GIT2: variants seen among roughly 807,000 people sequenced by gnomAD.
GIT2 encodes the protein GIT ArfGAP 2, also known as ARF GTPase-activating protein GIT2.
In GIT2, 32 loss-of-function variants were observed where a neutral mutation model predicts 100.3. That is an observed-to-expected ratio of 0.32 (90% CI 0.24 to 0.43). GIT2 has a LOEUF of 0.43. GIT2 is among the 20% of genes least tolerant of loss of function. The probability of loss-of-function intolerance (pLI) is 1.00; values close to 1 mark genes in which losing one functional copy is unlikely to be tolerated. For synonymous variants in GIT2, 353 were observed against 364.1 expected, an observed-to-expected ratio of 0.97 and a Z score of 0.35; for missense variants, 737 against 975.1, an observed-to-expected ratio of 0.76 and a Z score of 3.25.
chr12:109,948,506 T>C lies in GIT2; in HGVS notation c.1393-1002A>G. 1.6e-6 allele frequency: 2 copies of C among 1,227,814 alleles called. No individual in the cohort carries two copies. The highest frequency in any genetic ancestry group is 1.6e-5 in the African/African-American group (1 of 64,282). The allele number at this position is 1,227,814 out of a possible 1,614,324, so 76.1% of individuals were successfully genotyped here. ...GTCAGCAGGGAATCGTGTTACTCTTTGGCATCTGGCATTTTAAACACCATT... is the reference window on the plus strand; with the variant it reads ...GTCAGCAGGGAATCGTGTTACTCTTCGGCATCTGGCATTTTAAACACCATT... On this transcript the variant is annotated intron_variant, in intron 14 of 19. Coordinates refer to ENST00000355312, the MANE Select transcript of GIT2 (RefSeq NM_057169.5). This position sits in a 1 kb window ranked among gnomAD's most constrained non-coding sequence, Gnocchi z 4.3.
At chr12:109,965,086 G>A (rs928665840) in intron 9 of GIT2, among the ~76,000 whole-genome samples, 2 of 152,098 alleles carry the variant, frequency 1.3e-5, no homozygotes. Flanking sequence ...TGGGAAAGAG[G>A]TTTACAATAT....
rs1420562952 is a variant in GIT2 at position 109,931,618 on chromosome 12, C to T, written c.*1360G>A. 6.6e-6 allele frequency: 1 copy of T among 152,162 alleles called. No individual in the cohort carries two copies. The highest frequency in any genetic ancestry group is 1.5e-5 in the Non-Finnish European group (1 of 68,040). The allele number at this position is 152,162 out of a possible 1,614,324, so 9.4% of individuals were successfully genotyped here. A position where few individuals can be genotyped will look rare whatever the true frequency, so the allele number is the denominator to read the frequency against. ...GCCCCTACTGTGTAGGCGGTGGGCT[C>T]CCCATAGTCTCCTCTGCCCTGCTGC... On this transcript the variant is annotated 3_prime_UTR_variant, in exon 20 of 20. Transcript: ENST00000355312.
intron 1 of GIT2, 130 bp from the exon 2 acceptor site, chr12:109,991,890 A>T: frequency 1.4e-6 from 1 of 715,258 alleles, no homozygotes. Flanking sequence ...TCATCAATGC[A>T]TCAGGCTGGT....
chr12:109,961,547 G>T, intron 10 of GIT2, 66 bp downstream of exon 10: 1 of 1,100,872 alleles, frequency 9.1e-7, no homozygotes. Context: ...GTAAAACACT[G>T]AGCCTGGCAG....
chr12:109,998,736 C>G (rs1029532793), upstream of GIT2: 5 of 152,092 alleles, frequency 3.3e-5, no homozygotes, highest in Non-Finnish European at 7.4e-5. Context: ...GTTCGGAGTT[C>G]AAATAGAAGC....
At chr12:109,952,737 T>C (rs1455732469) in intron 13 of GIT2, 2 of 468,522 alleles carry the variant, frequency 4.3e-6, no homozygotes, top group Non-Finnish European at 8.3e-6. Flanking sequence ...GTGTGCTTCG[T>C]ATGACACACA....
chr12:109,983,832 C>A (rs1056825405), intron 4 of GIT2, 138 bp from the exon 5 acceptor site: 6 of 608,998 alleles, frequency 9.9e-6, no homozygotes, highest in African/African-American at 7.4e-5. Context: ...GTGCATGGAC[C>A]AGTCTCTCCT....
intron 6 of GIT2, chr12:109,981,375 A>C (rs1185469332): frequency 4.4e-6 from 1 of 228,532 alleles, no homozygotes; most frequent in Non-Finnish European, 8.8e-6. Flanking sequence ...TTACGGTAGA[A>C]GTTCTCAAAA....
rs759849851 is a variant in GIT2 at position 109,932,953 on chromosome 12, CAG to C, written c.*23_*24del. 2.1e-5 allele frequency: 28 copies of C among 1,338,980 alleles called. 1 individual carries two copies. In the South Asian group the frequency reaches 2.3e-4, roughly 11 times the overall value. The allele number at this position is 1,338,980 out of a possible 1,614,324, so 82.9% of individuals were successfully genotyped here. A position where few individuals can be genotyped will look rare whatever the true frequency, so the allele number is the denominator to read the frequency against. On this transcript the variant is annotated 3_prime_UTR_variant, in exon 20 of 20. Transcript: ENST00000355312. ...ATTGGACTTTATAAAGCCTAGAAAA[CAG>C]AGGAGGCGGTGCCCTGCCCTTGTCA...
At chr12:109,938,975 G>C (rs1413336114) in intron 17 of GIT2, 190 bp downstream of exon 17, 9 of 570,052 alleles carry the variant, frequency 1.6e-5, no homozygotes, top group Admixed American at 3.1e-5. Flanking sequence ...CAAAGAAAAA[G>C]GCCTTTCGGC....
Position 109,989,102 on chromosome 12 carries a change from C to A in GIT2, c.300-34G>T, listed in dbSNP as rs373410574. 6.7e-5 allele frequency: 81 copies of A among 1,217,058 alleles called. No homozygotes were observed. In the African/African-American group the frequency reaches 8.6e-4, roughly 13 times the overall value. The allele number at this position is 1,217,058 out of a possible 1,614,324, so 75.4% of individuals were successfully genotyped here. A position where few individuals can be genotyped will look rare whatever the true frequency, so the allele number is the denominator to read the frequency against. ...AAAACAAAAAAGAAAACAGTTCACT[C>A]GTTCAGATACAACAATCCCCATTCT... On this transcript the variant is annotated intron_variant, in intron 3 of 19. Transcript: ENST00000355312.
At position 109,934,899 on chromosome 12, in the gene GIT2, A is replaced by T. The variant is rs1256771917; in HGVS notation, c.2004-814T>A. On this transcript the variant is annotated intron_variant, in intron 18 of 19. Coordinates refer to ENST00000355312, the MANE Select transcript of GIT2 (RefSeq NM_057169.5). The surrounding 1 kb of genome is among the most constrained non-coding windows in gnomAD (Gnocchi z 4.5). Reference sequence around the variant, plus strand: ...GAGACCAGCCTGAACGACATGGTGAAATCCCGTCTCTACTAAAAATACAAA... The same window carrying T: ...GAGACCAGCCTGAACGACATGGTGATATCCCGTCTCTACTAAAAATACAAA... Among the ~76,000 whole-genome samples the T allele has an allele frequency of 6.6e-6, 1 of 152,162 alleles. No individual in the cohort carries two copies. Among genetic ancestry groups the T allele is most frequent in the Non-Finnish European group, 1.5e-5 (1 of 68,030 alleles).
At chr12:109,949,866 C>A (rs766288905) in intron 14 of GIT2, among the ~76,000 whole-genome samples, 11 of 152,124 alleles carry the variant, frequency 7.2e-5, no homozygotes, top group Non-Finnish European at 1.0e-4. Flanking sequence ...ATTAATGGAA[C>A]AAACTATAAT....
At chr12:109,994,075 CAAAA>C (rs34393850) in intron 1 of GIT2, among the ~76,000 whole-genome samples, 1 of 59,684 alleles carries the variant, frequency 1.7e-5, no homozygotes, top group African/African-American at 5.5e-5. Flanking sequence ...ACACTAATGG[CAAAA>C]AAAAAAAAAA....
chr12:109,976,949 C>T (rs1885233873), intron 7 of GIT2, among the ~76,000 whole-genome samples: 1 of 152,142 alleles, frequency 6.6e-6, no homozygotes, highest in Admixed American at 6.6e-5. Flanking sequence ...TTTCTTGAGA[C>T]AGGGTCTTAC....
At chr12:109,941,179 C>G (rs891565890) in intron 16 of GIT2, among the ~76,000 whole-genome samples, 1 of 152,166 alleles carries the variant, frequency 6.6e-6, no homozygotes. Context: ...CTGTGGGCTC[C>G]TAAAATTCAC....
chr12:109,993,913 T>C (rs531326896), intron 1 of GIT2, among the ~76,000 whole-genome samples: 10 of 152,092 alleles, frequency 6.6e-5, no homozygotes, highest in Admixed American at 2.0e-4. Flanking sequence ...GGTTAAATGT[T>C]TGCATAAAAT....
At chr12:109,966,981 T>C (rs567013089) in intron 8 of GIT2, among the ~76,000 whole-genome samples, 1 of 152,262 alleles carries the variant, frequency 6.6e-6, no homozygotes, top group South Asian at 2.1e-4. Flanking sequence ...TGTCCAGAAA[T>C]AAAATTTCAC....
intron 16 of GIT2, chr12:109,942,927 T>G (rs1875208469): frequency 6.6e-6 from 1 of 152,202 alleles, no homozygotes; most frequent in Admixed American, 6.5e-5. Context: ...ATCAAAAATA[T>G]TATAAGCATG....
Sources: allele counts gnomAD v4.1 joint callset (sites outside exome capture counted in the v4.1 genomes callset), GRCh38; gene constraint gnomAD v4.1.1; non-coding constraint Gnocchi (gnomAD v3.1); transcripts MANE v1.5; gene names NCBI Gene and HGNC (gene_info 2026-07-23, HGNC 2026-07-21).